SLC25A48: variants seen among roughly 807,000 people sequenced by gnomAD.
SLC25A48 encodes the protein solute carrier family 25 member 48, also known as CTC-321K16.1.
In SLC25A48, 29 loss-of-function variants were observed where a neutral mutation model predicts 32.2. The observed-to-expected ratio is 0.90, with a 90% CI of 0.67 to 1.23. The LOEUF is 1.23. Ranked by LOEUF, SLC25A48 falls within the 50% of genes most tolerant of loss-of-function variation. The probability of loss-of-function intolerance (pLI) is 0.00; values close to 1 mark genes in which losing one functional copy is unlikely to be tolerated. For missense variants in SLC25A48, 399 were observed against 422.7 expected, an observed-to-expected ratio of 0.94 and a Z score of 0.49; for synonymous variants, 164 against 172.3, an observed-to-expected ratio of 0.95 and a Z score of 0.38.
At chr5:135,589,668 G>C (rs1290228057) in intron 1 of SLC25A48, among the ~76,000 whole-genome samples, 6 of 152,070 alleles carry the variant, frequency 3.9e-5, no homozygotes, top group African/African-American at 1.4e-4. Context: ...TTTTAAAGAT[G>C]CATTTTAATT....
At chr5:135,865,554 G>T (rs1470049154) in intron 4 of SLC25A48, among the ~76,000 whole-genome samples, 1 of 152,214 alleles carries the variant, frequency 6.6e-6, no homozygotes, top group Non-Finnish European at 1.5e-5. Flanking sequence ...TGAATGCCAA[G>T]GGTGTGAGTC....
At chr5:135,799,573 C>G (rs1008481724) in intron 3 of SLC25A48, among the ~76,000 whole-genome samples, 1 of 151,480 alleles carries the variant, frequency 6.6e-6, no homozygotes, top group Admixed American at 6.6e-5. Context: ...TCCTAATATC[C>G]AGGTGGGGAT....
intron 3 of SLC25A48, among the ~76,000 whole-genome samples, chr5:135,669,390 AT>A (rs1753601022): frequency 6.6e-6 from 1 of 152,068 alleles, no homozygotes; most frequent in African/African-American, 2.4e-5. Context: ...CAAGTTGCTT[AT>A]TGGGAAGTGA....
At chr5:135,715,966 T>C (rs1754786656) in intron 3 of SLC25A48, among the ~76,000 whole-genome samples, 1 of 152,214 alleles carries the variant, frequency 6.6e-6, no homozygotes, top group Middle Eastern at 3.2e-3. Context: ...TTACTTGGAA[T>C]AAGTAGGTTC....
intron 3 of SLC25A48, among the ~76,000 whole-genome samples, chr5:135,686,163 A>G (rs1754017102): frequency 6.6e-6 from 1 of 152,230 alleles, no homozygotes; most frequent in South Asian, 2.1e-4. Flanking sequence ...TGGACACATC[A>G]GTTAATCTCT....
intron 4 of SLC25A48, among the ~76,000 whole-genome samples, chr5:135,859,857 A>G (rs777456237): frequency 6.6e-6 from 1 of 152,160 alleles, no homozygotes; most frequent in African/African-American, 2.4e-5. Flanking sequence ...AGGTTTCACA[A>G]TACTGATTAC....
rs567061712 is a variant in SLC25A48 at position 135,796,596 on chromosome 5, C to T, written c.-520-15927C>T. Among the ~76,000 whole-genome samples the T allele has an allele frequency of 3.4e-5, 5 of 146,352 alleles. No homozygotes were observed. In the South Asian group the frequency reaches 1.1e-3, roughly 32 times the overall value. On this transcript the variant is annotated intron_variant, in intron 3 of 10. Coordinates refer to the SLC25A48 transcript ENST00000646290. ...ACAGGGGGAGAGGGTAATATTACTC[C>T]CCATATTGCAAGAAGTGTGTTATGG...
At chr5:135,732,339 T>C (rs1755245999) in intron 3 of SLC25A48, among the ~76,000 whole-genome samples, 1 of 152,150 alleles carries the variant, frequency 6.6e-6, no homozygotes, top group Non-Finnish European at 1.5e-5. Context: ...CGAGGAATTA[T>C]GTCTGACAAA....
chr5:135,751,967 G>C (rs1429266774), intron 3 of SLC25A48, among the ~76,000 whole-genome samples: 1 of 151,962 alleles, frequency 6.6e-6, no homozygotes, highest in Non-Finnish European at 1.5e-5. Context: ...TATCCAAACA[G>C]AAAAAAATGA....
At chr5:135,728,275 TG>T (rs1755139515) in intron 3 of SLC25A48, among the ~76,000 whole-genome samples, 1 of 149,366 alleles carries the variant, frequency 6.7e-6, no homozygotes, top group Non-Finnish European at 1.5e-5. Flanking sequence ...AAAAAAAATG[TG>T]GCTTTCTATA....
chr5:135,821,591 C>T (rs1757888036), intron 4 of SLC25A48: 1 of 152,222 alleles, frequency 6.6e-6, no homozygotes, highest in Non-Finnish European at 1.5e-5. Flanking sequence ...TGATCAGATT[C>T]CAGAAGATGT....
At chr5:135,658,690 G>T (rs1413868823) in intron 3 of SLC25A48, among the ~76,000 whole-genome samples, 4 of 152,154 alleles carry the variant, frequency 2.6e-5, no homozygotes, top group African/African-American at 9.7e-5. Flanking sequence ...CTAGACATCA[G>T]GTATTCCCAT....
At chr5:135,673,956 A>G (rs1418381295) in intron 3 of SLC25A48, among the ~76,000 whole-genome samples, 2 of 151,722 alleles carry the variant, frequency 1.3e-5, no homozygotes, top group East Asian at 3.9e-4. Flanking sequence ...GTTCTTATAC[A>G]AGTTGTTCTA....
chr5:135,883,187 C>G, intron 7 of SLC25A48: 1 of 985,492 alleles, frequency 1.0e-6, no homozygotes, highest in Non-Finnish European at 1.2e-6. Flanking sequence ...GAACCTCTTC[C>G]TTCCTTCACA....
intron 7 of SLC25A48, among the ~76,000 whole-genome samples, chr5:135,882,081 C>G (rs993757887): frequency 1.3e-5 from 2 of 152,230 alleles, no homozygotes; most frequent in African/African-American, 4.8e-5. Flanking sequence ...CTTTCACAAG[C>G]AGTGACCAAC....
At chr5:135,771,245 G>A (rs980319144) in intron 3 of SLC25A48, among the ~76,000 whole-genome samples, 1 of 151,396 alleles carries the variant, frequency 6.6e-6, no homozygotes, top group Non-Finnish European at 1.5e-5. Context: ...CCCATATCAC[G>A]GGAATTGTAC....
chr5:135,649,092 AG>A (rs1276506621), intron 3 of SLC25A48: 3 of 152,284 alleles, frequency 2.0e-5, no homozygotes, highest in Non-Finnish European at 2.9e-5. Context: ...CATGCGACTC[AG>A]TGAGGAGGTC....
At chr5:135,704,924 C>A (rs1435392195) in intron 3 of SLC25A48, among the ~76,000 whole-genome samples, 2 of 152,204 alleles carry the variant, frequency 1.3e-5, no homozygotes, top group African/African-American at 4.8e-5. Flanking sequence ...CCAGCAGTGT[C>A]TCTGACTGCC....
intron 3 of SLC25A48, among the ~76,000 whole-genome samples, chr5:135,795,270 G>A (rs1757140243): frequency 6.6e-6 from 1 of 151,780 alleles, no homozygotes; most frequent in African/African-American, 2.4e-5. Flanking sequence ...CCCACCTTGT[G>A]ATATTGTTCT....
Sources: allele counts gnomAD v4.1 joint callset (sites outside exome capture counted in the v4.1 genomes callset), GRCh38; gene constraint gnomAD v4.1.1; transcripts MANE v1.5; gene names NCBI Gene and HGNC (gene_info 2026-07-23, HGNC 2026-07-21).